The following PER2 variants were observed in gnomAD, a reference collection of about 807,000 sequenced individuals.
PER2 encodes the protein period circadian protein homolog 2.
In PER2, 66 loss-of-function variants were observed where a neutral mutation model predicts 121.0. The ratio of observed to expected loss-of-function variants is 0.55; its 90% CI spans 0.45 to 0.67. The LOEUF (loss-of-function observed/expected upper bound fraction) is 0.67, where lower values mean the gene tolerates loss of function less well. PER2 is among the 30% of genes least tolerant of loss of function. PER2 has a pLI of 0.00. For synonymous variants in PER2, 684 were observed against 659.9 expected, an observed-to-expected ratio of 1.04 and a Z score of -0.56; for missense variants, 1,521 against 1,635.0, an observed-to-expected ratio of 0.93 and a Z score of 1.20.
At chr2:238,283,057 C>T (rs1657400559) in intron 1 of PER2, among the ~76,000 whole-genome samples, 1 of 152,192 alleles carries the variant, frequency 6.6e-6, no homozygotes, top group Admixed American at 6.5e-5. Context: ...ACTGTGGGGG[C>T]CCTTGCTGCT....
At chr2:238,296,718 C>T in the PER2 span, among the ~76,000 whole-genome samples, 2 of 152,158 alleles carry the variant, frequency 1.3e-5, no homozygotes, top group South Asian at 2.1e-4. Context: ...ACCACGGACA[C>T]GGGCAGACAT....
chr2:238,266,975 G>C (rs568176535), intron 8 of PER2, among the ~76,000 whole-genome samples: 109 of 151,772 alleles, frequency 7.2e-4, no homozygotes, highest in African/African-American at 2.5e-3. Context: ...TAGAATCCAG[G>C]AGGCGGAGGT....
intron 8 of PER2, among the ~76,000 whole-genome samples, chr2:238,267,453 T>C (rs996167378): frequency 6.6e-6 from 1 of 152,158 alleles, no homozygotes; most frequent in Non-Finnish European, 1.5e-5. Context: ...GCAGAGACTG[T>C]GGTCCAGAAT....
chr2:238,264,877 T>G (rs1489295939), intron 9 of PER2, among the ~76,000 whole-genome samples: 1 of 152,228 alleles, frequency 6.6e-6, no homozygotes, highest in Non-Finnish European at 1.5e-5. Flanking sequence ...TGGCCTCAAG[T>G]GATGCTCCTA....
chr2:238,261,766 T>C lies in PER2; in HGVS notation c.1379A>G (p.Gln460Arg), dbSNP rs1160888289. 2 of 1,574,320 alleles carry C rather than the reference T, an allele frequency of 1.3e-6. No individual in the cohort carries two copies. Among genetic ancestry groups the C allele is most frequent in the Non-Finnish European group, 1.7e-6 (2 of 1,158,812 alleles). ...CCGGTGGATCTGCTCTGTGAGCTCC[T>C]GAATGCTGGGGTGCAGGGCCTTCTC... ...TEEKALHPSI[Q>R]ELTEQIHRLL... Residue 460 changes from glutamine (Q) to arginine (R), a missense_variant, in exon 12 of 23, where the codon CAG becomes CGG. Physicochemically the swap from Gln to Arg is conservative, Grantham distance 43. Coordinates refer to ENST00000254657, the MANE Select transcript of PER2 (RefSeq NM_022817.3).
At chr2:238,279,459 A>C (rs1696565645) in intron 1 of PER2, among the ~76,000 whole-genome samples, 2 of 152,160 alleles carry the variant, frequency 1.3e-5, no homozygotes, top group African/African-American at 4.8e-5. Context: ...GCCTGCCGGC[A>C]TCTGAAGATG....
rs1695603057 is a variant in PER2 at position 238,251,640 on chromosome 2, C to T, written c.3233G>A (p.Gly1078Asp). ...GGCGTCGCAGCCCAGTGAGCCGGAG[C>T]CCAGAGACTCCGAAGCAGCAGAGCC... ...ASGSAASESL[G>D]SGSLGCDASP... Residue 1078 changes from glycine (G) to aspartate (D), a missense_variant, in exon 20 of 23, where the codon GGC becomes GAC. Physicochemically the swap from Gly to Asp is moderately conservative, Grantham distance 94. Transcript: ENST00000254657. 2 of 1,614,050 alleles carry T rather than the reference C, an allele frequency of 1.2e-6. No homozygotes were observed. Among genetic ancestry groups the T allele is most frequent in the African/African-American group, 1.3e-5 (1 of 74,926 alleles).
In PER2 at chr2:238,275,694, T is replaced by C. The variant is rs1696430416; in HGVS notation, c.448+49A>G. The C allele has an allele frequency of 2.5e-6, 4 of 1,588,142 alleles. No homozygotes were observed. The East Asian group carries it at 8.9e-5, about 35-fold the overall frequency. ...AATCCAAGCTATAATTTGGGGGGAT[T>C]TAAAACATATTTCTATAGGTTTGGA... On this transcript the variant is annotated intron_variant, in intron 4 of 22. Transcript: ENST00000254657.
chr2:238,287,428 G>C (rs1464554096), intron 1 of PER2, among the ~76,000 whole-genome samples: 1 of 152,272 alleles, frequency 6.6e-6, no homozygotes. Flanking sequence ...GGTGGGGGTA[G>C]AGGGTGGGCC....
At chr2:238,298,035 T>TTG in the PER2 span, among the ~76,000 whole-genome samples, 1 of 149,504 alleles carries the variant, frequency 6.7e-6, no homozygotes, top group African/African-American at 2.5e-5. Flanking sequence ...TTTGTTCTTT[T>TTG]TTTTTTTTTT....
chr2:238,276,876 C>T (rs1434549561), intron 3 of PER2, among the ~76,000 whole-genome samples: 1 of 152,182 alleles, frequency 6.6e-6, no homozygotes, highest in East Asian at 1.9e-4. Context: ...GCCCAAGACT[C>T]AGGCAAAGTC....
In PER2 at chr2:238,277,731, A is replaced by G. The variant is rs1159294219; in HGVS notation, c.206T>C (p.Val69Ala). The change falls in exon 2 of 23, where the codon GTG (valine) becomes GCG (alanine). Residue 69 changes from valine to alanine, a missense_variant. By Grantham distance (64) the Val-to-Ala change is moderately conservative. Transcript: ENST00000254657. Reference sequence around the variant, plus strand: ...CCTCTGGCGGGCATCCGGTGGCTCCACCAGCATCCCCAGCTCCTTCCCACT... The same window carrying G: ...CCTCTGGCGGGCATCCGGTGGCTCCGCCAGCATCCCCAGCTCCTTCCCACT... ...DDSGKELGMLVEPPDARQSPD... is the reference protein window; with the variant it reads ...DDSGKELGMLAEPPDARQSPD... 2 of 1,614,014 alleles carry G rather than the reference A, an allele frequency of 1.2e-6. No homozygotes were observed. The highest frequency in any genetic ancestry group is 1.7e-6 in the Non-Finnish European group (2 of 1,179,994).
chr2:238,266,690 C>CA (rs944151592), intron 8 of PER2, among the ~76,000 whole-genome samples: 2 of 152,128 alleles, frequency 1.3e-5, no homozygotes, highest in African/African-American at 4.8e-5. Context: ...CGCAGGAACA[C>CA]AAAAAACATT....
intron 22 of PER2, among the ~76,000 whole-genome samples, chr2:238,246,768 T>A (rs1264237241): frequency 6.6e-6 from 1 of 152,180 alleles, no homozygotes; most frequent in East Asian, 1.9e-4. Context: ...CCCAGCTACT[T>A]GGGAGGCTGA....
At chr2:238,262,724 C>T (rs1015983452) in intron 10 of PER2, among the ~76,000 whole-genome samples, 3 of 152,170 alleles carry the variant, frequency 2.0e-5, no homozygotes, top group African/African-American at 4.8e-5. Flanking sequence ...ACTCAGGCCA[C>T]GGACTGAGAA....
chr2:238,261,005 G>A (rs1279924035), intron 12 of PER2, 52 bp from the exon 13 acceptor site: 16 of 1,593,352 alleles, frequency 1.0e-5, no homozygotes, highest in African/African-American at 4.0e-5. Flanking sequence ...GCTGAGCTAT[G>A]CATGTGGCCC....
At position 238,244,329 on chromosome 2, in the gene PER2, A is replaced by G. The variant is rs935400224; in HGVS notation, c.*2046T>C. 1 of 152,662 alleles carries G rather than the reference A, an allele frequency of 6.6e-6. No homozygotes were observed. The highest frequency in any genetic ancestry group is 6.5e-5 in the Admixed American group (1 of 15,292). 9.5% of individuals were successfully genotyped at this position (152,662 alleles called of 1,614,324 possible). On this transcript the variant is annotated 3_prime_UTR_variant, in exon 23 of 23. Coordinates refer to ENST00000254657, the MANE Select transcript of PER2 (RefSeq NM_022817.3). The stretch of plus-strand genomic sequence containing the variant: ...AAGAAAACATGACTTGATGCTTGGC[A>G]TCACGTAAACAAATTCACAAGATGA...
At position 238,252,722 on chromosome 2, in the gene PER2, G is replaced by A. The variant is rs932839249; in HGVS notation, c.3111+190C>T. 1.3e-5 allele frequency among the ~76,000 whole-genome samples: 2 copies of A among 152,178 alleles called. No homozygotes were observed. Among genetic ancestry groups the A allele is most frequent in the Admixed American group, 6.5e-5 (1 of 15,284 alleles). The stretch of plus-strand genomic sequence containing the variant: ...AGATTCCACGACAATAAAAGGCTTC[G>A]AATAATCTACTCTGATAGGATTAAG... On this transcript the variant is annotated intron_variant, in intron 19 of 22. Coordinates refer to ENST00000254657, the MANE Select transcript of PER2 (RefSeq NM_022817.3). The surrounding 1 kb of genome is among the most constrained non-coding windows in gnomAD (Gnocchi z 4.2).
At chr2:238,260,259 A>ATT (rs374038428) in intron 13 of PER2, among the ~76,000 whole-genome samples, 1 of 144,080 alleles carries the variant, frequency 6.9e-6, no homozygotes, top group African/African-American at 2.5e-5. Context: ...GGCACATTAC[A>ATT]TTTTTTTTTT....
Sources: allele counts gnomAD v4.1 joint callset (sites outside exome capture counted in the v4.1 genomes callset), GRCh38; gene constraint gnomAD v4.1.1; non-coding constraint Gnocchi (gnomAD v3.1); transcripts MANE v1.5; gene names NCBI Gene and HGNC (gene_info 2026-07-23, HGNC 2026-07-21).